Variants in ALPL observed in about 807,000 individuals in gnomAD.
The protein encoded by ALPL is alkaline phosphatase, tissue-nonspecific isozyme.
A neutral mutation model predicts 51.3 loss-of-function variants in ALPL; 42 were observed. That is an observed-to-expected ratio of 0.82 (90% CI 0.64 to 1.06). ALPL has a LOEUF of 1.06. Ranked by LOEUF, ALPL falls within the 50% of genes least tolerant of loss-of-function variation. The probability of loss-of-function intolerance (pLI) is 0.00; values close to 1 mark genes in which losing one functional copy is unlikely to be tolerated. For synonymous variants in ALPL, 279 were observed against 296.4 expected, an observed-to-expected ratio of 0.94 and a Z score of 0.60; for missense variants, 589 against 709.4, an observed-to-expected ratio of 0.83 and a Z score of 1.93.
chr1:21,564,526 G>C lies in ALPL; in HGVS notation c.648+310G>C, dbSNP rs1207823794. Among the ~76,000 whole-genome samples, 3 of 152,196 alleles carry C rather than the reference G, an allele frequency of 2.0e-5. No homozygotes were observed. Among genetic ancestry groups the C allele is most frequent in the African/African-American group, 7.2e-5 (3 of 41,440 alleles). The stretch of plus-strand genomic sequence containing the variant: ...TGCCCCCCACTACACGGGAGGTGGT[G>C]ATGGCCAAGTGTCGTCTGCCTGCCC... On this transcript the variant is annotated intron_variant, in intron 6 of 11. Transcript: ENST00000374840. The surrounding 1 kb of genome is among the most constrained non-coding windows in gnomAD (Gnocchi z 5.8).
intron 7 of ALPL, among the ~76,000 whole-genome samples, chr1:21,569,094 G>A (rs3767148): frequency 0.18 from 27,863 of 152,100 alleles, 3,132 homozygotes; most frequent in East Asian, 0.45. Context: ...GGCCAAGAAC[G>A]AGGTGGGGGT....
chr1:21,528,013 T>TG (rs1487870798), intron 1 of ALPL, among the ~76,000 whole-genome samples: 6 of 150,866 alleles, frequency 4.0e-5, no homozygotes, highest in African/African-American at 9.8e-5. Flanking sequence ...TTTTTTTTTT[T>TG]TTGTTTTTTT....
chr1:21,531,419 C>T (rs1644029268), intron 1 of ALPL, among the ~76,000 whole-genome samples: 2 of 152,200 alleles, frequency 1.3e-5, no homozygotes, highest in South Asian at 2.1e-4. Context: ...TGCCATCCTC[C>T]TGGGCTGCTT....
intron 7 of ALPL, 120 bp from the exon 8 acceptor site, chr1:21,570,185 G>C: frequency 1.0e-6 from 1 of 982,258 alleles, no homozygotes; most frequent in Non-Finnish European, 1.6e-6. Context: ...GGTCCTCAGG[G>C]AGAGATTTTT....
chr1:21,552,888 A>G (rs1644352158), intron 1 of ALPL, among the ~76,000 whole-genome samples: 1 of 152,208 alleles, frequency 6.6e-6, no homozygotes, highest in East Asian at 1.9e-4. Context: ...TGAAGCAATA[A>G]CATTTCCCAG....
In ALPL at chr1:21,529,220, G is replaced by C. The variant is rs76316730; in HGVS notation, c.-105+19703G>C. Reference sequence around the variant, plus strand: ...ATCTCAAATTAATGCAGTAAGATTGGGGTTAATGTTCTTTTAACTTTTCTT... The same window carrying C: ...ATCTCAAATTAATGCAGTAAGATTGCGGTTAATGTTCTTTTAACTTTTCTT... On this transcript the variant is annotated intron_variant, in intron 1 of 11. Transcript: ENST00000374840. Among the ~76,000 whole-genome samples the C allele has an allele frequency of 8.6e-3, 1,305 of 151,838 alleles. 26 individuals carry two copies. The highest frequency in any genetic ancestry group is 0.03 in the African/African-American group (1,251 of 41,382).
chr1:21,528,270 G>T (rs183753783), intron 1 of ALPL, among the ~76,000 whole-genome samples: 3 of 151,132 alleles, frequency 2.0e-5, no homozygotes, highest in African/African-American at 7.3e-5. Context: ...TCCTCCTGCC[G>T]TGGCCTCCCA....
intron 9 of ALPL, among the ~76,000 whole-genome samples, chr1:21,574,936 C>T (rs980061174): frequency 1.3e-5 from 2 of 152,246 alleles, no homozygotes; most frequent in African/African-American, 4.8e-5. Context: ...GAGTGTCCAC[C>T]AGGCAGCGCC....
chr1:21,528,943 G>A (rs1046362172), intron 1 of ALPL, among the ~76,000 whole-genome samples: 3 of 151,524 alleles, frequency 2.0e-5, no homozygotes, highest in Non-Finnish European at 2.9e-5. Context: ...GGTGGTGGGC[G>A]CCTGTAATCC....
intron 1 of ALPL, among the ~76,000 whole-genome samples, chr1:21,543,130 A>AC (rs1644211673): frequency 1.3e-5 from 2 of 152,058 alleles, no homozygotes; most frequent in Non-Finnish European, 2.9e-5. Flanking sequence ...ACAGAGTAAG[A>AC]CCCTGTCTCA....
At chr1:21,521,662 A>G (rs887962801) in intron 1 of ALPL, among the ~76,000 whole-genome samples, 6 of 152,088 alleles carry the variant, frequency 3.9e-5, no homozygotes, top group African/African-American at 1.4e-4. Flanking sequence ...CCAGCTCATA[A>G]ATGGTTAGTG....
chr1:21,527,792 C>T (rs572077759), intron 1 of ALPL, among the ~76,000 whole-genome samples: 4 of 151,794 alleles, frequency 2.6e-5, no homozygotes, highest in South Asian at 2.1e-4. Context: ...TGAAGTGATC[C>T]GTCCACCTCG....
chr1:21,574,878 A>T (rs576307389), intron 9 of ALPL: 2 of 152,494 alleles, frequency 1.3e-5, no homozygotes, highest in Admixed American at 1.3e-4. Flanking sequence ...CGAGGCTCAG[A>T]CTGGTGGGAA....
intron 9 of ALPL, among the ~76,000 whole-genome samples, chr1:21,575,466 C>T (rs1051665525): frequency 3.7e-4 from 56 of 152,244 alleles, no homozygotes; most frequent in Non-Finnish European, 6.5e-4. Flanking sequence ...AGTACAGCTT[C>T]CCGGCCTGGT....
intron 8 of ALPL, among the ~76,000 whole-genome samples, chr1:21,573,391 C>T (rs1404298083): frequency 1.3e-5 from 2 of 149,178 alleles, no homozygotes; most frequent in East Asian, 2.0e-4. Flanking sequence ...GAGCCGAGAT[C>T]GCACCACTGC....
chr1:21,542,580 G>A (rs995037470), intron 1 of ALPL, among the ~76,000 whole-genome samples: 27 of 152,136 alleles, frequency 1.8e-4, no homozygotes, highest in African/African-American at 5.8e-4. Flanking sequence ...AGTGGCTCAC[G>A]CCTGTAATCC....
At position 21,564,119 on chromosome 1, in the gene ALPL, G is replaced by A. The variant is rs1558549798; in HGVS notation, c.551G>A (p.Arg184Gln). 1 of 1,614,072 alleles carries A rather than the reference G, an allele frequency of 6.2e-7. No homozygotes were observed. Among genetic ancestry groups the A allele is most frequent in the Non-Finnish European group, 8.5e-7 (1 of 1,180,010 alleles). ...PSAAYAHSAD[R>Q]DWYSDNEMPP... is the part of the protein sequence containing the mutation. The stretch of plus-strand genomic sequence containing the variant: ...GCCGCCTACGCCCACTCGGCTGACC[G>A]GGACTGGTACTCAGACAACGAGATG... The change falls in exon 6 of 12, where the codon CGG becomes CAG. Residue 184 changes from arginine (R) to glutamine (Q), a missense_variant. Physicochemically the swap from Arg to Gln is conservative, Grantham distance 43. Coordinates refer to ENST00000374840, the MANE Select transcript of ALPL (RefSeq NM_000478.6). This position sits in a 1 kb window ranked among gnomAD's most constrained non-coding sequence, Gnocchi z 5.8.
At chr1:21,575,962 C>A (rs757371336) in intron 10 of ALPL, 38 bp downstream of exon 10, 2 of 1,611,334 alleles carry the variant, frequency 1.2e-6, no homozygotes, top group African/African-American at 2.7e-5. Context: ...CTCCTGGGGT[C>A]TCCTGTCTAC....
chr1:21,510,953 TA>T (rs1353648036), intron 1 of ALPL, among the ~76,000 whole-genome samples: 1 of 152,212 alleles, frequency 6.6e-6, no homozygotes, highest in African/African-American at 2.4e-5. Flanking sequence ...TGGTGAAGAC[TA>T]GGCTGAGTGA....
Sources: gnomAD v4.1 joint callset for allele counts (sites outside exome capture counted in the v4.1 genomes callset) on GRCh38, gnomAD v4.1.1 for gene constraint, Gnocchi (gnomAD v3.1) non-coding constraint, MANE v1.5 for transcripts, NCBI Gene and HGNC (gene_info 2026-07-23, HGNC 2026-07-21) for gene names.